The following SYN2 variants were observed in gnomAD, a reference collection of about 807,000 sequenced individuals.
SYN2 encodes the protein synapsin-2.
Under a neutral mutation model 50.9 loss-of-function variants are expected in SYN2, and 19 were observed. The ratio of observed to expected loss-of-function variants is 0.37; its 90% CI spans 0.26 to 0.55. The LOEUF is 0.55. Ranked by LOEUF, SYN2 falls within the 20% of genes least tolerant of loss-of-function variation. The probability of loss-of-function intolerance (pLI) is 0.81; values close to 1 mark genes in which losing one functional copy is unlikely to be tolerated. For missense variants in SYN2, 587 were observed against 576.4 expected (o/e 1.02, Z -0.19); for synonymous variants, 255 against 224.9 (o/e 1.13, Z -1.20).
intron 1 of SYN2, among the ~76,000 whole-genome samples, chr3:12,038,270 A>G (rs1015846116): frequency 1.3e-5 from 2 of 152,206 alleles, no homozygotes; most frequent in African/African-American, 4.8e-5. Context: ...ATAGATTGCA[A>G]TGATGCATTA....
intron 1 of SYN2, among the ~76,000 whole-genome samples, chr3:12,066,342 T>C (rs1404408119): frequency 6.6e-6 from 1 of 151,950 alleles, no homozygotes; most frequent in South Asian, 2.1e-4. Context: ...AAAAATAAAA[T>C]TAAAAAAATG....
intron 11 of SYN2, chr3:12,183,807 G>T: frequency 9.7e-7 from 1 of 1,029,584 alleles, no homozygotes; most frequent in South Asian, 3.6e-5. Context: ...GGTGGACAGG[G>T]GAGAAACGAA....
chr3:12,020,184 C>A (rs1350871397), intron 1 of SYN2, among the ~76,000 whole-genome samples: 1 of 152,130 alleles, frequency 6.6e-6, no homozygotes, highest in African/African-American at 2.4e-5. Flanking sequence ...GAGCTCAGTT[C>A]TTTTAAAGCT....
intron 1 of SYN2, among the ~76,000 whole-genome samples, chr3:12,089,094 T>C (rs956566660): frequency 6.6e-6 from 1 of 152,246 alleles, no homozygotes; most frequent in Admixed American, 6.5e-5. Flanking sequence ...TTCTGCAACA[T>C]ATACACATAT....
At chr3:12,119,248 C>G (rs1349440967) in intron 1 of SYN2, among the ~76,000 whole-genome samples, 1 of 152,070 alleles carries the variant, frequency 6.6e-6, no homozygotes, top group Non-Finnish European at 1.5e-5. Flanking sequence ...AACAACTCTT[C>G]TGGCCACTAT....
chr3:12,095,678 C>T (rs1695917586), intron 1 of SYN2, among the ~76,000 whole-genome samples: 1 of 148,184 alleles, frequency 6.7e-6, no homozygotes, highest in African/African-American at 2.5e-5. Flanking sequence ...CTTCTTCTTT[C>T]CCCCTACTTG....
At chr3:12,146,792 T>C (rs1174980157) in intron 4 of SYN2, among the ~76,000 whole-genome samples, 2 of 152,128 alleles carry the variant, frequency 1.3e-5, no homozygotes, top group Non-Finnish European at 1.5e-5. Context: ...GCACTCTGGC[T>C]TCCCCTCCGA....
At chr3:12,023,981 T>C (rs981726100) in intron 1 of SYN2, among the ~76,000 whole-genome samples, 14 of 152,116 alleles carry the variant, frequency 9.2e-5, no homozygotes, top group African/African-American at 3.4e-4. Flanking sequence ...TTGTTTTCTC[T>C]GTAGACTTTT....
At chr3:12,153,629 G>A (rs375480007) in intron 5 of SYN2, 10 of 1,614,028 alleles carry the variant, frequency 6.2e-6, no homozygotes, top group Non-Finnish European at 7.6e-6. Flanking sequence ...GGTAACCATA[G>A]AGCTTTCGTT....
At chr3:12,106,087 T>C (rs1696183067) in intron 1 of SYN2, among the ~76,000 whole-genome samples, 3 of 152,228 alleles carry the variant, frequency 2.0e-5, no homozygotes, top group Admixed American at 6.5e-5. Context: ...AAGCTCATTC[T>C]TGTTGGCAGA....
chr3:12,175,414 G>C (rs1698042304), intron 10 of SYN2, among the ~76,000 whole-genome samples: 1 of 152,222 alleles, frequency 6.6e-6, no homozygotes, highest in Admixed American at 6.5e-5. Flanking sequence ...TCAGCCCTTA[G>C]GTGTTGTCAC....
intron 1 of SYN2, among the ~76,000 whole-genome samples, chr3:12,092,703 A>G (rs1003933866): frequency 6.6e-6 from 1 of 152,158 alleles, no homozygotes; most frequent in Non-Finnish European, 1.5e-5. Flanking sequence ...TGTGTTTCAT[A>G]TGTCATTGCA....
intron 1 of SYN2, among the ~76,000 whole-genome samples, chr3:12,055,137 G>A (rs1694958782): frequency 6.6e-6 from 1 of 151,794 alleles, no homozygotes; most frequent in African/African-American, 2.4e-5. Context: ...AAATTAATAT[G>A]AATAAAGCAG....
At chr3:12,151,147 C>A in intron 4 of SYN2, 90 bp from the exon 5 acceptor site, 1 of 917,486 alleles carries the variant, frequency 1.1e-6, no homozygotes, top group South Asian at 1.4e-5. Flanking sequence ...CTCCACAGAG[C>A]AAATGCTCAA....
intron 1 of SYN2, among the ~76,000 whole-genome samples, chr3:12,083,776 G>C (rs1695631593): frequency 6.6e-6 from 1 of 152,138 alleles, no homozygotes; most frequent in Admixed American, 6.5e-5. Flanking sequence ...GTTTTAATCT[G>C]TCTGGAAACA....
chr3:12,167,630 C>A (rs1424218103), intron 8 of SYN2, among the ~76,000 whole-genome samples: 1 of 151,684 alleles, frequency 6.6e-6, no homozygotes, highest in Admixed American at 6.6e-5. Flanking sequence ...TACCTAGCCT[C>A]AAGTATTCCT....
intron 3 of SYN2, among the ~76,000 whole-genome samples, chr3:12,143,916 C>T (rs997964796): frequency 1.3e-5 from 2 of 152,206 alleles, no homozygotes; most frequent in Non-Finnish European, 2.9e-5. Context: ...GATGTAAAAG[C>T]TTAAGTCCTC....
intron 1 of SYN2, among the ~76,000 whole-genome samples, chr3:12,074,375 G>A (rs1411175924): frequency 6.6e-6 from 1 of 151,996 alleles, no homozygotes; most frequent in Non-Finnish European, 1.5e-5. Context: ...TGTTTTTACT[G>A]TTTATCGTTG....
At chr3:12,075,195 T>C (rs1226006350) in intron 1 of SYN2, among the ~76,000 whole-genome samples, 1 of 152,122 alleles carries the variant, frequency 6.6e-6, no homozygotes, top group Non-Finnish European at 1.5e-5. Context: ...CTTAAAGATA[T>C]GGTTGATCAG....
Sources: allele counts gnomAD v4.1 joint callset (sites outside exome capture counted in the v4.1 genomes callset), GRCh38; gene constraint gnomAD v4.1.1; transcripts MANE v1.5; gene names NCBI Gene and HGNC (gene_info 2026-07-23, HGNC 2026-07-21).